The following TAPBPL variants were observed in gnomAD, a reference collection of about 807,000 sequenced individuals.
TAPBPL encodes the protein tapasin-related protein.
TAPBPL carries 32 observed loss-of-function variants against 44.8 expected under a neutral mutation model. The observed-to-expected ratio is 0.71, with a 90% confidence interval of 0.54 to 0.96. The LOEUF is 0.96. Among genes scored for constraint, TAPBPL ranks in the 40% least tolerant of loss-of-function variants. The pLI is 0.00. For synonymous variants in TAPBPL, 230 were observed against 240.7 expected (o/e 0.96, Z 0.41); for missense variants, 520 against 586.6 (o/e 0.89, Z 1.17).
downstream of TAPBPL, chr12:6,470,632 C>G (rs943565197): frequency 6.6e-7 from 1 of 1,514,310 alleles, no homozygotes; most frequent in Non-Finnish European, 9.1e-7. Flanking sequence ...TGCCAAGCTC[C>G]GCCTCGCGCC....
At chr12:6,467,554 A>G (rs1330960552), downstream of TAPBPL, among the ~76,000 whole-genome samples, 10 of 152,184 alleles carry the variant, frequency 6.6e-5, no homozygotes, top group Non-Finnish European at 2.9e-5. Flanking sequence ...AGAAGAAAAG[A>G]CGCAGTACTA....
At position 6,460,956 on chromosome 12, in the gene TAPBPL, C is replaced by G; in HGVS notation, c.1291+18C>G. The G allele has an allele frequency of 6.2e-7, 1 of 1,613,948 alleles. No individual in the cohort carries two copies. On this transcript the variant is annotated intron_variant, in intron 6 of 6. Coordinates refer to ENST00000266556, the MANE Select transcript of TAPBPL (RefSeq NM_018009.5). ...ACGGCAAGGTAAGAGCCTGGGTGCC[C>G]TTGGCTCTGGCCCTGGCCCACCTCA...
chr12:6,465,009 T>C (rs571205493), downstream of TAPBPL: 16 of 1,601,442 alleles, frequency 1.0e-5, no homozygotes, highest in East Asian at 2.9e-4. Context: ...ACATCTCTAG[T>C]GGGAAACAGA....
At chr12:6,454,412 G>C (rs1438690498) in intron 3 of TAPBPL, among the ~76,000 whole-genome samples, 1 of 152,134 alleles carries the variant, frequency 6.6e-6, no homozygotes, top group African/African-American at 2.4e-5. Flanking sequence ...TGGTTGCAGT[G>C]AGCCGAGATT....
downstream of TAPBPL, chr12:6,463,989 G>A (rs1949941888): frequency 7.7e-7 from 1 of 1,291,314 alleles, no homozygotes; most frequent in Non-Finnish European, 1.0e-6. The surrounding 1 kb of genome is among the most constrained non-coding windows in gnomAD (Gnocchi z 4.0). Flanking sequence ...TTCAGGCCTG[G>A]TCCAGGAAGG....
Position 6,458,823 on chromosome 12 carries a change from C to CA in TAPBPL, c.1084dup (p.Thr362AsnfsTer80), listed in dbSNP as rs766123172. On this transcript the variant is annotated frameshift_variant, in exon 5 of 7. Coordinates refer to ENST00000266556, the MANE Select transcript of TAPBPL (RefSeq NM_018009.5). LOFTEE classifies it high-confidence loss of function. ...CCAGCCTCAGGCAAAGCGTGGCAGG[C>CA]ACCTACAGCATCTCCTCCTCTCTCA... 2 of 1,614,128 alleles carry CA rather than the reference C, an allele frequency of 1.2e-6. No individual in the cohort carries two copies. Among genetic ancestry groups the CA allele is most frequent in the Non-Finnish European group, 1.7e-6 (2 of 1,180,028 alleles).
chr12:6,469,485 T>C (rs1945713831), downstream of TAPBPL, among the ~76,000 whole-genome samples: 1 of 152,126 alleles, frequency 6.6e-6, no homozygotes, highest in African/African-American at 2.4e-5. Context: ...GTTAAAACCA[T>C]AGAAATCAAA....
At chr12:6,460,750 C>A in intron 5 of TAPBPL, 105 bp from the exon 6 acceptor site, 2 of 1,093,416 alleles carry the variant, frequency 1.8e-6, no homozygotes, top group Non-Finnish European at 2.8e-6. Flanking sequence ...GGGACTCACA[C>A]ACACAATCCT....
At chr12:6,465,882 G>C (rs1251550214), downstream of TAPBPL, 2 of 1,614,222 alleles carry the variant, frequency 1.2e-6, no homozygotes, top group Admixed American at 1.7e-5. Context: ...TAGCTTGGCA[G>C]CACTGCTCTC....
downstream of TAPBPL, chr12:6,470,540 CAGAG>C (rs780569091): frequency 6.2e-7 from 1 of 1,614,030 alleles, no homozygotes; most frequent in Non-Finnish European, 8.5e-7. Flanking sequence ...ATTTTTCTGA[CAGAG>C]AGAGTGAGGG....
rs1049274275 is a variant in TAPBPL, at chr12:6,452,176, C to G, written c.-73C>G. ...GTGTGCTTGGAGAGCCCCCTTCTTCCGCCGGGCCTCGCAAGCAGCGTAGGA... is the reference window on the plus strand; with the variant it reads ...GTGTGCTTGGAGAGCCCCCTTCTTCGGCCGGGCCTCGCAAGCAGCGTAGGA... On this transcript the variant is annotated 5_prime_UTR_variant, in exon 1 of 7. Coordinates refer to ENST00000266556, the MANE Select transcript of TAPBPL (RefSeq NM_018009.5). 1 of 1,533,268 alleles carries G rather than the reference C, an allele frequency of 6.5e-7. No homozygotes were observed. The highest frequency in any genetic ancestry group is 2.4e-5 in the East Asian group (1 of 41,116). The allele number at this position is 1,533,268 out of a possible 1,614,324, so 95.0% of individuals were successfully genotyped here.
At chr12:6,459,404 G>T (rs900914507) in intron 5 of TAPBPL, among the ~76,000 whole-genome samples, 12 of 152,226 alleles carry the variant, frequency 7.9e-5, no homozygotes, top group Non-Finnish European at 1.6e-4. Flanking sequence ...CACAGCTAGA[G>T]CTTAGGGTAT....
chr12:6,462,140 G>A lies in TAPBPL; in HGVS notation c.1398G>A (p.Gln466=). Residue 466 remains glutamine (Q), a synonymous_variant, in exon 7 of 7, where the codon CAG becomes CAA. Coordinates refer to ENST00000266556, the MANE Select transcript of TAPBPL (RefSeq NM_018009.5). ...LHEDRTARVS[Q]PS The stretch of plus-strand genomic sequence containing the variant: ...AAGACCGCACAGCGCGTGTAAGCCA[G>A]CCCAGCTGACCTAAAGCGACATGAG... 1 of 1,609,362 alleles carries A rather than the reference G, an allele frequency of 6.2e-7. No homozygotes were observed.
chr12:6,468,874 G>C (rs1408600193), downstream of TAPBPL, among the ~76,000 whole-genome samples: 1 of 152,126 alleles, frequency 6.6e-6, no homozygotes, highest in Admixed American at 6.5e-5. Flanking sequence ...AGAAATTACA[G>C]TAAGAACTCC....
intron 5 of TAPBPL, among the ~76,000 whole-genome samples, chr12:6,459,352 A>G (rs985408907): frequency 7.9e-5 from 12 of 152,272 alleles, no homozygotes; most frequent in Admixed American, 5.2e-4. Flanking sequence ...GCCAAATCAT[A>G]AAACAGCCTA....
chr12:6,457,757 C>T lies in TAPBPL; in HGVS notation c.904+13C>T. 1 of 1,554,644 alleles carries T rather than the reference C, an allele frequency of 6.4e-7. No individual in the cohort carries two copies. Among genetic ancestry groups the T allele is most frequent in the Non-Finnish European group, 8.7e-7 (1 of 1,145,064 alleles). On this transcript the variant is annotated intron_variant, in intron 4 of 6. Coordinates refer to ENST00000266556, the MANE Select transcript of TAPBPL (RefSeq NM_018009.5). ...CTCAACATCCAAGGTGAGGCCAGGA[C>T]ATGGTTATCCCAGGGAAGGGGATAT...
chr12:6,470,413 G>A (rs1303567522), downstream of TAPBPL: 3 of 1,482,952 alleles, frequency 2.0e-6, no homozygotes, highest in South Asian at 2.3e-5. Context: ...GCGCGCGGTG[G>A]TAGTTCCCCG....
chr12:6,464,325 C>T (rs1056780775), downstream of TAPBPL: 53 of 1,547,970 alleles, frequency 3.4e-5, 1 homozygote, highest in South Asian at 8.4e-5. Context: ...TGCAAATGAA[C>T]GCAACGAAAA....
chr12:6,464,689 C>A (rs1009142354), downstream of TAPBPL: 5 of 1,493,550 alleles, frequency 3.3e-6, no homozygotes, highest in Non-Finnish European at 4.4e-6. Flanking sequence ...CCCTGCAATG[C>A]GTTGCAGGGG....
Sources: gnomAD v4.1 joint callset for allele counts (sites outside exome capture counted in the v4.1 genomes callset) on GRCh38, gnomAD v4.1.1 for gene constraint, Gnocchi (gnomAD v3.1) non-coding constraint, MANE v1.5 for transcripts, NCBI Gene and HGNC (gene_info 2026-07-23, HGNC 2026-07-21) for gene names.